Variants in CSMD3 observed in about 807,000 individuals in gnomAD.
CSMD3 encodes CUB and sushi domain-containing protein 3.
In CSMD3, 177 loss-of-function variants were observed where a neutral mutation model predicts 435.2. That is an observed-to-expected ratio of 0.41 (90% CI 0.36 to 0.46). The LOEUF (loss-of-function observed/expected upper bound fraction) is 0.46. Among genes scored for constraint, CSMD3 ranks in the 20% least tolerant of loss-of-function variants. The pLI is 0.34. For missense variants in CSMD3, 4,265 were observed against 4,504.6 expected (o/e 0.95, Z 1.52); for synonymous variants, 1,656 against 1,520.5 (o/e 1.09, Z -2.07).
chr8:112,700,941 C>G lies in CSMD3; in HGVS notation c.1973-10891G>C, dbSNP rs1272171302. 7.2e-5 allele frequency among the ~76,000 whole-genome samples: 11 copies of G among 152,268 alleles called. No individual in the cohort carries two copies. In the East Asian group the frequency reaches 2.1e-3, roughly 29 times the overall value. On this transcript the variant is annotated intron_variant, in intron 13 of 70. Coordinates refer to ENST00000297405, the MANE Select transcript of CSMD3 (RefSeq NM_198123.2). Reference sequence around the variant, plus strand: ...TCCCAAAACAGATGGTTCTAAAGCACAACTGGTCCACATGGCTCACATAAT... The same window carrying G: ...TCCCAAAACAGATGGTTCTAAAGCAGAACTGGTCCACATGGCTCACATAAT...
intron 1 of CSMD3, among the ~76,000 whole-genome samples, chr8:113,392,251 G>A (rs2094464020): frequency 6.6e-6 from 1 of 152,050 alleles, no homozygotes; most frequent in South Asian, 2.1e-4. Context: ...ATAGGTAAAT[G>A]TTTCTTACAC....
chr8:112,573,787 C>T lies in CSMD3; in HGVS notation c.3886-130G>A, dbSNP rs1829724486. ...AGATCAGTACATTTCCAAAGGGCAA[C>T]TAAATATATTGGTTTCTATGAACAC... On this transcript the variant is annotated intron_variant, in intron 23 of 70. Coordinates refer to ENST00000297405, the MANE Select transcript of CSMD3 (RefSeq NM_198123.2). 3 of 695,656 alleles carry T rather than the reference C, an allele frequency of 4.3e-6. No individual in the cohort carries two copies. In the East Asian group the frequency reaches 8.1e-5, roughly 19 times the overall value. 43.1% of individuals were successfully genotyped at this position (695,656 alleles called of 1,614,324 possible).
At chr8:113,107,126 C>T (rs1438730645) in intron 4 of CSMD3, among the ~76,000 whole-genome samples, 1 of 152,162 alleles carries the variant, frequency 6.6e-6, no homozygotes, top group Non-Finnish European at 1.5e-5. Flanking sequence ...CCTGCCAAAG[C>T]TATGCCATTA....
rs1179943657 is a variant in CSMD3 at position 112,503,813 on chromosome 8, G to C, written c.5060C>G (p.Thr1687Ser). 4.3e-6 allele frequency: 7 copies of C among 1,611,050 alleles called. No individual in the cohort carries two copies. Among genetic ancestry groups the C allele is most frequent in the Non-Finnish European group, 5.9e-6 (7 of 1,177,772 alleles). ...ACCTTTGTATTCTAGATGAAATCCA[G>C]TGTAACTAACAGATCCATCACTCCG... is the stretch of plus-strand genomic sequence containing the variant. ...AFRSDGSVSY[T>S]GFHLEYKAKL... is the part of the protein sequence containing the mutation. Residue 1687 changes from threonine (T) to serine (S), a missense_variant, in exon 30 of 71, where the codon ACT becomes AGT. By Grantham distance (58) the Thr-to-Ser change is moderately conservative (BLOSUM62 1). Coordinates refer to ENST00000297405, the MANE Select transcript of CSMD3 (RefSeq NM_198123.2).
At chr8:112,512,083 C>T (rs1010478790) in intron 28 of CSMD3, among the ~76,000 whole-genome samples, 1 of 152,144 alleles carries the variant, frequency 6.6e-6, no homozygotes, top group Non-Finnish European at 1.5e-5. Flanking sequence ...CTTAAACACC[C>T]CCTCATCACA....
At chr8:113,317,242 G>C (rs146565435) in intron 1 of CSMD3, among the ~76,000 whole-genome samples, 1 of 152,240 alleles carries the variant, frequency 6.6e-6, no homozygotes, top group African/African-American at 2.4e-5. Flanking sequence ...CAATTACTTT[G>C]AAGCCTTAGG....
chr8:113,160,352 T>A (rs1265695964), intron 4 of CSMD3, among the ~76,000 whole-genome samples: 2 of 151,988 alleles, frequency 1.3e-5, no homozygotes, highest in East Asian at 3.9e-4. Flanking sequence ...TTAGATTTAG[T>A]TACAAGAGTG....
chr8:112,254,226 C>T (rs1187325669), intron 63 of CSMD3, 27 bp downstream of exon 63: 1 of 1,546,578 alleles, frequency 6.5e-7, no homozygotes, highest in Non-Finnish European at 8.9e-7. Context: ...TAGTATGATG[C>T]TAAATGGACA....
intron 24 of CSMD3, among the ~76,000 whole-genome samples, chr8:112,571,164 C>T (rs565689758): frequency 1.1e-4 from 17 of 152,018 alleles, no homozygotes; most frequent in African/African-American, 3.6e-4. Flanking sequence ...TGTGCCACCA[C>T]GCCCAGCTAA....
intron 1 of CSMD3, among the ~76,000 whole-genome samples, chr8:113,375,018 T>C (rs1370471295): frequency 3.9e-5 from 6 of 152,030 alleles, no homozygotes; most frequent in African/African-American, 1.4e-4. Flanking sequence ...TTGAAAGTTG[T>C]GACCATCACT....
intron 3 of CSMD3, among the ~76,000 whole-genome samples, chr8:113,182,358 A>G (rs2092433081): frequency 6.6e-6 from 1 of 152,036 alleles, no homozygotes; most frequent in Non-Finnish European, 1.5e-5. Context: ...AGTCAAGAGC[A>G]GTATATGCAG....
chr8:112,771,779 T>C lies in CSMD3; in HGVS notation c.1972+28383A>G, dbSNP rs185190285. ...CTATAAAATAAATTGTAGAGAAGAG[T>C]ACAGAAGAGGGCATTCTTAAACCAT... On this transcript the variant is annotated intron_variant, in intron 13 of 70. Transcript: ENST00000297405. 6.6e-5 allele frequency among the ~76,000 whole-genome samples: 10 copies of C among 151,838 alleles called. No individual in the cohort carries two copies. The South Asian group carries it at 2.1e-3, about 31-fold the overall frequency.
At chr8:113,313,576 G>T (rs2093886940) in intron 2 of CSMD3, 1 of 152,106 alleles carries the variant, frequency 6.6e-6, no homozygotes. Flanking sequence ...AAGGAATATG[G>T]AAGACTGATG....
intron 47 of CSMD3, among the ~76,000 whole-genome samples, chr8:112,315,606 T>C (rs1436431900): frequency 6.6e-6 from 1 of 151,866 alleles, no homozygotes; most frequent in Non-Finnish European, 1.5e-5. Context: ...AACTTTCTAT[T>C]TGTCAGAATA....
Position 112,380,418 on chromosome 8 carries a change from T to C in CSMD3, c.6070A>G (p.Asn2024Asp). 6.2e-7 allele frequency: 1 copy of C among 1,601,532 alleles called. No homozygotes were observed. The highest frequency in any genetic ancestry group is 8.6e-7 in the Non-Finnish European group (1 of 1,168,870). Reference protein sequence around the residue: ...IPHLLNSTSNNLYLNFQSDIS... With the variant: ...IPHLLNSTSNDLYLNFQSDIS... Reference sequence around the variant, plus strand: ...TCTGATTGAAAATTTAGATACAGATTATTAGACGTACTATTCAAAAGATGG... The same window carrying C: ...TCTGATTGAAAATTTAGATACAGATCATTAGACGTACTATTCAAAAGATGG... The change falls in exon 38 of 71, where the codon AAT becomes GAT. Residue 2024 changes from asparagine (N) to aspartate (D), a missense_variant. Physicochemically the swap from Asn to Asp is conservative, Grantham distance 23. This residue lies in a region of CSMD3 where 3,255 missense variants were observed against 3,380.2 expected (regional missense o/e 0.96). Transcript: ENST00000297405.
In CSMD3 at chr8:112,824,079, C is replaced by A. The variant is rs575716447; in HGVS notation, c.1859+5607G>T. On this transcript the variant is annotated intron_variant, in intron 12 of 70. Coordinates refer to ENST00000297405, the MANE Select transcript of CSMD3 (RefSeq NM_198123.2). ...TGATCCCTTTACTATTATGTAATACCCTTCTTTGTCTTTTTTTATCTTTGT... is the reference window on the plus strand; with the variant it reads ...TGATCCCTTTACTATTATGTAATACACTTCTTTGTCTTTTTTTATCTTTGT... Among the ~76,000 whole-genome samples, 49 of 152,030 alleles carry A rather than the reference C, an allele frequency of 3.2e-4. 1 individual carries two copies. The South Asian group carries it at 9.6e-3, about 30-fold the overall frequency.
chr8:112,512,779 G>T (rs1480441146), intron 28 of CSMD3, among the ~76,000 whole-genome samples: 1 of 152,138 alleles, frequency 6.6e-6, no homozygotes, highest in South Asian at 2.1e-4. Flanking sequence ...GACACTATTC[G>T]AATAGAATGC....
chr8:112,706,833 A>C (rs2076508560), intron 13 of CSMD3, among the ~76,000 whole-genome samples: 1 of 152,102 alleles, frequency 6.6e-6, no homozygotes, highest in Non-Finnish European at 1.5e-5. Flanking sequence ...ACATGACACT[A>C]CTTTCTTAGG....
chr8:112,783,930 G>A (rs2078468436), intron 13 of CSMD3, among the ~76,000 whole-genome samples: 1 of 151,840 alleles, frequency 6.6e-6, no homozygotes, highest in African/African-American at 2.4e-5. Flanking sequence ...CAACACCAGA[G>A]CACTCAAATA....
Sources: gnomAD v4.1 joint callset for allele counts (sites outside exome capture counted in the v4.1 genomes callset) on GRCh38, gnomAD v4.1.1 for gene constraint, gnomAD v4.1.1 regional missense constraint, MANE v1.5 for transcripts, NCBI Gene and HGNC (gene_info 2026-07-23, HGNC 2026-07-21) for gene names.